Variants in ABCA3 observed in about 807,000 individuals in gnomAD.
The protein encoded by ABCA3 is ATP binding cassette subfamily A member 3, also known as phospholipid-transporting ATPase ABCA3.
Under a neutral mutation model 172.8 loss-of-function variants are expected in ABCA3, and 88 were observed. The observed-to-expected ratio is 0.51, with a 90% CI of 0.43 to 0.61. The LOEUF is 0.61. Ranked by LOEUF, ABCA3 falls within the 20% of genes least tolerant of loss-of-function variation. ABCA3 has a pLI of 0.00. For synonymous variants in ABCA3, 1,066 were observed against 983.8 expected (o/e 1.08, Z -1.56); for missense variants, 2,164 against 2,301.0 (o/e 0.94, Z 1.22).
chr16:2,302,669 G>A (rs1472899706), intron 12 of ABCA3, among the ~76,000 whole-genome samples: 1 of 151,946 alleles, frequency 6.6e-6, no homozygotes, highest in East Asian at 1.9e-4. Context: ...TTATTTTGTA[G>A]AGATGGGGTT....
intron 12 of ABCA3, among the ~76,000 whole-genome samples, chr16:2,301,042 A>C (rs553907814): frequency 2.0e-5 from 3 of 150,224 alleles, no homozygotes; most frequent in Non-Finnish European, 4.4e-5. Context: ...CATCCTGGCT[A>C]ACACGGTGAA....
intron 10 of ABCA3, among the ~76,000 whole-genome samples, chr16:2,315,621 T>A (rs1044411430): frequency 1.3e-5 from 2 of 152,128 alleles, no homozygotes; most frequent in Non-Finnish European, 2.9e-5. Context: ...ACATCAGATA[T>A]GTTGGCAAAG....
chr16:2,312,464 G>A (rs1039410741), intron 10 of ABCA3, among the ~76,000 whole-genome samples: 1 of 151,644 alleles, frequency 6.6e-6, no homozygotes. Flanking sequence ...TTTGAGAGTC[G>A]AGATTTAATA....
At position 2,318,438 on chromosome 16, in the gene ABCA3, G is replaced by A. The variant is rs146762520; in HGVS notation, c.874-674C>T. ...CCAATACGGCAGCCAGCAGCCAGGT[G>A]TGGCCGTTTCAACTGAAGTTAATTA... On this transcript the variant is annotated intron_variant, in intron 8 of 32. Transcript: ENST00000301732. Among the ~76,000 whole-genome samples the A allele has an allele frequency of 7.5e-3, 1,147 of 152,278 alleles. 16 individuals are homozygous for A. The highest frequency in any genetic ancestry group is 0.025 in the African/African-American group (1,036 of 41,542).
intron 18 of ABCA3, 110 bp from the exon 19 acceptor site, chr16:2,292,348 C>T: frequency 2.2e-6 from 2 of 914,580 alleles, no homozygotes; most frequent in Non-Finnish European, 3.5e-6. Context: ...ACCTGTAACC[C>T]CAGCACTTTG....
chr16:2,293,462 C>T (rs1425092255), intron 18 of ABCA3, among the ~76,000 whole-genome samples: 1 of 149,590 alleles, frequency 6.7e-6, no homozygotes, highest in Non-Finnish European at 1.5e-5. Context: ...GCCTTGACCT[C>T]CCGGGCTCAA....
At chr16:2,301,298 CT>C (rs1304963000) in intron 12 of ABCA3, among the ~76,000 whole-genome samples, 3 of 151,720 alleles carry the variant, frequency 2.0e-5, no homozygotes, top group African/African-American at 4.8e-5. Flanking sequence ...TGGCATTTTT[CT>C]TTCTTAGTGA....
chr16:2,311,890 C>T (rs2093707309), intron 10 of ABCA3, among the ~76,000 whole-genome samples: 2 of 152,144 alleles, frequency 1.3e-5, no homozygotes, highest in Non-Finnish European at 1.5e-5. Flanking sequence ...CTCCTGAGTT[C>T]AGGCAATCCG....
At chr16:2,282,986 C>T (rs957989887) in intron 26 of ABCA3, among the ~76,000 whole-genome samples, 200 bp downstream of exon 26, 29 of 152,256 alleles carry the variant, frequency 1.9e-4, no homozygotes, top group South Asian at 2.1e-4. Context: ...GCTCACAACT[C>T]GACAGCCCTT....
intron 1 of ABCA3, among the ~76,000 whole-genome samples, chr16:2,331,871 G>A (rs1190167567): frequency 6.6e-6 from 1 of 152,160 alleles, no homozygotes; most frequent in Non-Finnish European, 1.5e-5. Context: ...AGAGCTTCAA[G>A]AACTTCCCTT....
At position 2,284,921 on chromosome 16, in the gene ABCA3, G is replaced by A; in HGVS notation, c.3561C>T (p.Leu1187=). The part of the protein sequence containing the change: ...HMADTLLLLL[L]YGWAIIPLMY... The stretch of plus-strand genomic sequence containing the variant: ...TGAGGGGGATGATGGCCCAGCCGTA[G>A]AGCAGGAGCAGCAGCAGGGTGTCAG... The change falls in exon 24 of 33, where the codon CTC becomes CTT. Residue 1187 remains leucine, a synonymous_variant. Coordinates refer to ENST00000301732, the MANE Select transcript of ABCA3 (RefSeq NM_001089.3). This position sits in a 1 kb window ranked among gnomAD's most constrained non-coding sequence, Gnocchi z 5.9. 6.2e-7 allele frequency: 1 copy of A among 1,613,976 alleles called. No individual in the cohort carries two copies.
chr16:2,340,728 T>G lies in ABCA3; in HGVS notation c.-694A>C, dbSNP rs1049078674. 6.6e-6 allele frequency: 1 copy of G among 150,572 alleles called. No individual in the cohort carries two copies. Among genetic ancestry groups the G allele is most frequent in the Non-Finnish European group, 1.5e-5 (1 of 67,380 alleles). The allele number at this position is 150,572 out of a possible 1,614,324, so 9.3% of individuals were successfully genotyped here. On this transcript the variant is annotated 5_prime_UTR_variant, in exon 1 of 33. Transcript: ENST00000301732. ...GGAGGGTGCGCCTGCAACCCGCTAC[T>G]GGCGGACGCAGCGGCCGCTCCGGCT... is the stretch of plus-strand genomic sequence containing the variant.
At chr16:2,307,547 CTT>C (rs1303220348) in intron 11 of ABCA3, among the ~76,000 whole-genome samples, 2 of 151,706 alleles carry the variant, frequency 1.3e-5, no homozygotes, top group African/African-American at 2.4e-5. Flanking sequence ...GAACGAGACT[CTT>C]GTCTCAAAAA....
At chr16:2,289,400 C>G (rs776804249) in intron 20 of ABCA3, 34 bp downstream of exon 20, 5 of 1,545,974 alleles carry the variant, frequency 3.2e-6, no homozygotes, top group African/African-American at 2.7e-5. Flanking sequence ...GCTCGCCCTT[C>G]CCCCGCCACC....
intron 1 of ABCA3, among the ~76,000 whole-genome samples, chr16:2,334,319 T>A (rs1433068073): frequency 6.6e-6 from 1 of 152,132 alleles, no homozygotes; most frequent in Non-Finnish European, 1.5e-5. Context: ...TGGGCCCATG[T>A]CATCAAGGCG....
chr16:2,314,431 G>T (rs1331004655), intron 10 of ABCA3, among the ~76,000 whole-genome samples: 1 of 151,276 alleles, frequency 6.6e-6, no homozygotes, highest in African/African-American at 2.4e-5. Context: ...ATAGGGACAG[G>T]AAGTAGGGTG....
Position 2,304,011 on chromosome 16 carries a change from T to A in ABCA3, c.1425A>T (p.Pro475=). The A allele has an allele frequency of 6.2e-7, 1 of 1,614,118 alleles. No homozygotes were observed. Among genetic ancestry groups the A allele is most frequent in the Non-Finnish European group, 8.5e-7 (1 of 1,180,022 alleles). ...AGGGCTGAGGCACGCCGAACTGCCC[T>A]GGGAAGACGGCCTCCATGTACCAGG... The part of the protein sequence containing the change: ...LVTWYMEAVF[P]GQFGVPQPWY... Residue 475 remains proline (P), a synonymous_variant, in exon 12 of 33, where the codon CCA becomes CCT. Transcript: ENST00000301732.
At chr16:2,308,702 C>T (rs1180314139) in intron 10 of ABCA3, 79 bp from the exon 11 acceptor site, 1 of 1,557,638 alleles carries the variant, frequency 6.4e-7, no homozygotes, top group Middle Eastern at 2.2e-4. Flanking sequence ...GTACAGGCAA[C>T]CCCCTACTCC....
Position 2,326,100 on chromosome 16 carries a change from T to C in ABCA3, c.229A>G (p.Thr77Ala). 6.2e-7 allele frequency: 1 copy of C among 1,613,954 alleles called. No individual in the cohort carries two copies. Among genetic ancestry groups the C allele is most frequent in the Non-Finnish European group, 8.5e-7 (1 of 1,180,018 alleles). The change falls in exon 5 of 33, where the codon ACC becomes GCC. Residue 77 changes from threonine to alanine, a missense_variant. Physicochemically the swap from Thr to Ala is moderately conservative, Grantham distance 58. Around this residue, in one of 3 missense-constraint regions of ABCA3, gnomAD observed 1,343 missense variants for 1,369.6 expected, o/e 0.98. Coordinates refer to ENST00000301732, the MANE Select transcript of ABCA3 (RefSeq NM_001089.3). ...LFFTFPPPGD[T>A]WELAYIPSHS... ...GAAGGGATGTAGGCAAGCTCCCAGGTGTCTCCTGGCGGAGGGAAGGTGAAG... is the reference window on the plus strand; with the variant it reads ...GAAGGGATGTAGGCAAGCTCCCAGGCGTCTCCTGGCGGAGGGAAGGTGAAG...
Sources: gnomAD v4.1 joint callset for allele counts (sites outside exome capture counted in the v4.1 genomes callset) on GRCh38, gnomAD v4.1.1 for gene constraint, gnomAD v4.1.1 regional missense constraint, Gnocchi (gnomAD v3.1) non-coding constraint, MANE v1.5 for transcripts, NCBI Gene and HGNC (gene_info 2026-07-23, HGNC 2026-07-21) for gene names.